The following RORA variants were observed in gnomAD, a reference collection of about 807,000 sequenced individuals.
RORA encodes the protein RAR related orphan receptor A.
In RORA, 7 loss-of-function variants were observed where a neutral mutation model predicts 69.5. The ratio of observed to expected loss-of-function variants is 0.10; its 90% CI spans 0.06 to 0.19. The LOEUF (loss-of-function observed/expected upper bound fraction) is 0.19, where lower values mean the gene tolerates loss of function less well. Among genes scored for constraint, RORA ranks in the 10% least tolerant of loss-of-function variants. RORA has a pLI of 1.00. For synonymous variants in RORA, 261 were observed against 240.8 expected (o/e 1.08, Z -0.78); for missense variants, 457 against 663.0 (o/e 0.69, Z 3.41).
intron 1 of RORA, among the ~76,000 whole-genome samples, chr15:60,721,698 C>T (rs907390079): frequency 1.3e-5 from 2 of 152,350 alleles, no homozygotes; most frequent in African/African-American, 4.8e-5. Context: ...CTATTTTGCA[C>T]AAACCAGATA....
At chr15:60,816,960 G>T (rs2072826557) in intron 1 of RORA, among the ~76,000 whole-genome samples, 1 of 151,924 alleles carries the variant, frequency 6.6e-6, no homozygotes, top group Non-Finnish European at 1.5e-5. Context: ...GCTTTGTTAT[G>T]ATTGCCATTT....
At chr15:60,504,641 T>G (rs1435571072) in intron 6 of RORA, among the ~76,000 whole-genome samples, 2 of 152,194 alleles carry the variant, frequency 1.3e-5, no homozygotes. Flanking sequence ...ACTTTGTTGC[T>G]TCTTACTGTT....
chr15:61,019,460 T>C (rs1449371506), intron 1 of RORA, among the ~76,000 whole-genome samples: 5 of 152,224 alleles, frequency 3.3e-5, no homozygotes, highest in African/African-American at 1.2e-4. Flanking sequence ...CCTGCTAATA[T>C]ACAATCTGTG....
chr15:60,946,669 C>T (rs1033426290), intron 1 of RORA, among the ~76,000 whole-genome samples: 17 of 152,232 alleles, frequency 1.1e-4, no homozygotes, highest in Non-Finnish European at 2.4e-4. Flanking sequence ...GCCCAGATTG[C>T]AGCCTCTGCC....
chr15:60,675,934 C>T lies in RORA; in HGVS notation c.196+2723G>A, dbSNP rs569024014. The stretch of plus-strand genomic sequence containing the variant: ...AAACCAAGATTGAAATTGCTAATGT[C>T]GGGTGACTTCAGCTGTCGATGATTA... On this transcript the variant is annotated intron_variant, in intron 2 of 10. Transcript: ENST00000335670. 2.5e-4 allele frequency among the ~76,000 whole-genome samples: 38 copies of T among 152,196 alleles called. 2 individuals carry two copies. The Middle Eastern group carries it at 0.027, about 109-fold the overall frequency.
At chr15:61,040,211 G>A (rs1360460009) in intron 1 of RORA, among the ~76,000 whole-genome samples, 6 of 140,040 alleles carry the variant, frequency 4.3e-5, no homozygotes, top group Non-Finnish European at 9.1e-5. Flanking sequence ...TTAGCTGTAA[G>A]TAGGCTTTAT....
intron 2 of RORA, among the ~76,000 whole-genome samples, chr15:60,599,532 C>G (rs139338620): frequency 1.3e-5 from 2 of 152,206 alleles, no homozygotes; most frequent in African/African-American, 2.4e-5. Context: ...GCCTGGGCGA[C>G]AGAGCAAGAC....
chr15:60,670,212 T>C (rs72748779), intron 2 of RORA, among the ~76,000 whole-genome samples: 176 of 71,686 alleles, frequency 2.5e-3, no homozygotes, highest in Middle Eastern at 7.4e-3. Flanking sequence ...TTTTTTTTTT[T>C]TCTTTTTTTT....
intron 1 of RORA, among the ~76,000 whole-genome samples, chr15:61,176,979 A>T (rs1406053690): frequency 6.6e-6 from 1 of 152,198 alleles, no homozygotes; most frequent in Admixed American, 6.5e-5. Context: ...GCCTGCTCTC[A>T]TAGGTCGGGG....
At chr15:61,034,890 A>C (rs1896378550) in intron 1 of RORA, among the ~76,000 whole-genome samples, 1 of 152,122 alleles carries the variant, frequency 6.6e-6, no homozygotes, top group African/African-American at 2.4e-5. Flanking sequence ...ATCAAGGAGG[A>C]AAAGCTGGAG....
At chr15:60,883,154 AAG>A (rs144718187) in intron 1 of RORA, among the ~76,000 whole-genome samples, 1,192 of 93,798 alleles carry the variant, frequency 0.013, 56 homozygotes, top group African/African-American at 0.042. Context: ...AAAAAAAAGA[AAG>A]AGAGAGAGAG....
chr15:60,617,703 G>A (rs1053906036), intron 2 of RORA, among the ~76,000 whole-genome samples: 3 of 151,654 alleles, frequency 2.0e-5, no homozygotes, highest in Non-Finnish European at 4.4e-5. Flanking sequence ...AAGAGGGAGA[G>A]AGAGAGAAAC....
intron 1 of RORA, among the ~76,000 whole-genome samples, chr15:60,702,778 T>G (rs2071002387): frequency 6.6e-6 from 1 of 152,224 alleles, no homozygotes; most frequent in African/African-American, 2.4e-5. Context: ...TCTATGATGC[T>G]ATGTTTAAAA....
intron 2 of RORA, chr15:60,592,431 C>A: frequency 1.4e-6 from 2 of 1,429,154 alleles, no homozygotes; most frequent in South Asian, 2.8e-5. Flanking sequence ...AGCCGCGGTG[C>A]GGAGAGCGCA....
intron 1 of RORA, among the ~76,000 whole-genome samples, chr15:60,790,227 T>C (rs1463401012): frequency 6.6e-6 from 1 of 152,234 alleles, no homozygotes; most frequent in African/African-American, 2.4e-5. Flanking sequence ...TTCTCTGACC[T>C]GCAAACCAGA....
chr15:60,685,015 T>G (rs2070719799), intron 1 of RORA, among the ~76,000 whole-genome samples: 1 of 152,230 alleles, frequency 6.6e-6, no homozygotes, highest in Admixed American at 6.5e-5. Context: ...GTAAGATAAT[T>G]CACGTGGGGC....
intron 3 of RORA, among the ~76,000 whole-genome samples, chr15:60,516,967 A>C (rs895781483): frequency 4.0e-5 from 6 of 151,836 alleles, no homozygotes; most frequent in Non-Finnish European, 8.8e-5. Flanking sequence ...CTAAAGAGCT[A>C]AACATAGTAT....
chr15:60,945,527 A>C (rs1322197389), intron 1 of RORA, among the ~76,000 whole-genome samples: 1 of 152,170 alleles, frequency 6.6e-6, no homozygotes, highest in Non-Finnish European at 1.5e-5. Context: ...TGCTTGTTAG[A>C]AAAAATACTT....
intron 2 of RORA, among the ~76,000 whole-genome samples, chr15:60,581,471 G>T (rs11632600): frequency 0.13 from 19,334 of 152,174 alleles, 1,384 homozygotes; most frequent in East Asian, 0.18. Flanking sequence ...AAGAGGAGGA[G>T]GATTTTTCAT....
Sources: gnomAD v4.1 joint callset for allele counts (sites outside exome capture counted in the v4.1 genomes callset) on GRCh38, gnomAD v4.1.1 for gene constraint, MANE v1.5 for transcripts, NCBI Gene and HGNC (gene_info 2026-07-23, HGNC 2026-07-21) for gene names.